ABCA13: variants seen among roughly 807,000 people sequenced by gnomAD.
ABCA13 encodes the protein ATP-binding cassette sub-family A member 13.
In ABCA13, 476 loss-of-function variants were observed where a neutral mutation model predicts 478.7. The observed-to-expected ratio is 0.99, with a 90% CI of 0.92 to 1.07. ABCA13 has a LOEUF of 1.07. Among genes scored for constraint, ABCA13 ranks in the 50% least tolerant of loss-of-function variants. The pLI is 0.00. For synonymous variants in ABCA13, 2,252 were observed against 2,158.9 expected (o/e 1.04, Z -1.20); for missense variants, 6,060 against 5,910.6 (o/e 1.03, Z -0.83).
intron 31 of ABCA13, among the ~76,000 whole-genome samples, chr7:48,357,161 A>T (rs927786277): frequency 6.6e-5 from 10 of 151,724 alleles, no homozygotes; most frequent in African/African-American, 1.7e-4. Context: ...GAAATGTTGA[A>T]TTCCTGCTTA....
At chr7:48,206,534 T>A (rs1404963973) in intron 3 of ABCA13, among the ~76,000 whole-genome samples, 1 of 152,238 alleles carries the variant, frequency 6.6e-6, no homozygotes, top group Non-Finnish European at 1.5e-5. Flanking sequence ...ATGACTATAA[T>A]TCATTCCTTT....
chr7:48,621,064 C>A (rs1201244035), intron 59 of ABCA13, among the ~76,000 whole-genome samples: 1 of 152,150 alleles, frequency 6.6e-6, no homozygotes, highest in Non-Finnish European at 1.5e-5. Flanking sequence ...ATCCCTACCC[C>A]ACCTCAGTGC....
At chr7:48,431,312 A>T (rs192064163) in intron 42 of ABCA13, among the ~76,000 whole-genome samples, 2 of 151,500 alleles carry the variant, frequency 1.3e-5, no homozygotes, top group Admixed American at 1.3e-4. Flanking sequence ...ACTGCACTCC[A>T]GCCTGGGCAA....
intron 59 of ABCA13, among the ~76,000 whole-genome samples, chr7:48,625,550 C>A (rs1009994288): frequency 6.6e-6 from 1 of 152,304 alleles, no homozygotes; most frequent in Middle Eastern, 3.4e-3. Flanking sequence ...ATATCCTCAG[C>A]GTGTTTCACC....
At chr7:48,321,006 A>G (rs1803368380) in intron 27 of ABCA13, among the ~76,000 whole-genome samples, 1 of 152,228 alleles carries the variant, frequency 6.6e-6, no homozygotes, top group Non-Finnish European at 1.5e-5. Context: ...ATTCCCAGAA[A>G]TGCATTCTGC....
chr7:48,602,799 A>C (rs1241479649), intron 58 of ABCA13, among the ~76,000 whole-genome samples: 1 of 152,074 alleles, frequency 6.6e-6, no homozygotes, highest in African/African-American at 2.4e-5. Context: ...ATAGCATTGA[A>C]TCTATAAATT....
At chr7:48,621,251 C>T (rs1310664275) in intron 59 of ABCA13, among the ~76,000 whole-genome samples, 1 of 152,102 alleles carries the variant, frequency 6.6e-6, no homozygotes, top group East Asian at 1.9e-4. Flanking sequence ...TAATCTTTTC[C>T]TCTTCTTTGG....
In ABCA13 at chr7:48,586,495, G is replaced by A. The variant is rs139687835; in HGVS notation, c.14506-659G>A. ...ACACAGGAACACAAAACCAAATACC[G>A]TGTGTTCTCGTTTATAGGGGGGAGC... On this transcript the variant is annotated intron_variant, in intron 56 of 61. Transcript: ENST00000435803. Among the ~76,000 whole-genome samples the A allele has an allele frequency of 1.2e-3, 183 of 152,196 alleles. 1 individual carries two copies. Among genetic ancestry groups the A allele is most frequent in the Non-Finnish European group, 2.2e-3 (151 of 68,014 alleles).
intron 44 of ABCA13, among the ~76,000 whole-genome samples, chr7:48,470,855 C>T (rs868068789): frequency 2.6e-5 from 4 of 152,202 alleles, no homozygotes; most frequent in Admixed American, 6.5e-5. Flanking sequence ...GCTTGTAATT[C>T]GGTAAATGCT....
chr7:48,216,967 T>C (rs185297800), intron 3 of ABCA13, among the ~76,000 whole-genome samples: 25 of 152,368 alleles, frequency 1.6e-4, no homozygotes, highest in African/African-American at 5.5e-4. Flanking sequence ...CTCTCAGTTC[T>C]ATGTATATTT....
In ABCA13 at chr7:48,244,571, C is replaced by A. The variant is rs186683711; in HGVS notation, c.1263-5C>A. The A allele has an allele frequency of 1.2e-6, 2 of 1,610,968 alleles. No homozygotes were observed. Among genetic ancestry groups the A allele is most frequent in the Non-Finnish European group, 1.7e-6 (2 of 1,178,578 alleles). ...TTTATTTCATTTATTTATTTTTGCC[C>A]TCAGATTACAGCATCTGTGGAAATT... On this transcript the variant is annotated splice_region_variant and splice_polypyrimidine_tract_variant and intron_variant, in intron 10 of 61. Coordinates refer to ENST00000435803, the MANE Select transcript of ABCA13 (RefSeq NM_152701.5).
intron 55 of ABCA13, among the ~76,000 whole-genome samples, chr7:48,528,757 C>T (rs1052303006): frequency 2.0e-5 from 3 of 152,276 alleles, no homozygotes; most frequent in Admixed American, 6.5e-5. Flanking sequence ...TTTTACCACC[C>T]AGACTTCCTC....
In ABCA13 at chr7:48,295,722, C is replaced by T. The variant is rs375616028; in HGVS notation, c.8978C>T (p.Ser2993Leu). 72 of 1,613,900 alleles carry T rather than the reference C, an allele frequency of 4.5e-5. No homozygotes were observed. Among genetic ancestry groups the T allele is most frequent in the Non-Finnish European group, 5.3e-5 (63 of 1,179,900 alleles). Reference protein sequence around the residue: ...HFQEIEKIWSSPNQLNCESLS... With the variant: ...HFQEIEKIWSLPNQLNCESLS... ...TAGGAAATTGAAAAGATATGGTCCT[C>T]GCCGAATCAGCTAAATTGTGAAAGT... The change falls in exon 21 of 62, where the codon TCG becomes TTG. Residue 2993 changes from serine (S) to leucine (L), a missense_variant. Transcript: ENST00000435803.
At chr7:48,239,171 G>A in intron 8 of ABCA13, 70 bp from the exon 9 acceptor site, 1 of 1,523,096 alleles carries the variant, frequency 6.6e-7, no homozygotes, top group South Asian at 1.2e-5. Flanking sequence ...AGATCGTGGT[G>A]TTATTTTTAG....
intron 43 of ABCA13, among the ~76,000 whole-genome samples, chr7:48,456,022 C>A (rs1455728432): frequency 6.6e-6 from 1 of 152,212 alleles, no homozygotes; most frequent in Non-Finnish European, 1.5e-5. Flanking sequence ...TTGCCGGGCA[C>A]GGCCATGGCT....
In ABCA13 at chr7:48,352,221, A is replaced by G. The variant is rs1310673182; in HGVS notation, c.10422A>G (p.Arg3474=). ...ATTCCTTATTCGACAAGAACTTCAG[A>G]TCAGAGTCTGTCAAACTGCCACCCC... The part of the protein sequence containing the change: ...FSNSLFDKNF[R]SESVKLPPHV... Residue 3474 remains arginine (R), a synonymous_variant, in exon 31 of 62, where the codon AGA becomes AGG. Coordinates refer to ENST00000435803, the MANE Select transcript of ABCA13 (RefSeq NM_152701.5). The G allele has an allele frequency of 5.0e-6, 8 of 1,610,318 alleles. No individual in the cohort carries two copies. The South Asian group carries it at 8.8e-5, about 18-fold the overall frequency.
Position 48,392,033 on chromosome 7 carries a change from C to T in ABCA13, c.11767C>T (p.Gln3923Ter). 39 of 1,614,006 alleles carry T rather than the reference C, an allele frequency of 2.4e-5. No individual in the cohort carries two copies. Among genetic ancestry groups the T allele is most frequent in the Non-Finnish European group, 3.3e-5 (39 of 1,179,880 alleles). The change falls in exon 38 of 62, where the codon CAG becomes TAG. Residue 3923 changes from glutamine (Q) to a stop codon, truncating the protein, a stop_gained. Coordinates refer to ENST00000435803, the MANE Select transcript of ABCA13 (RefSeq NM_152701.5). LOFTEE classifies it high-confidence loss of function. ...AATGGAGCTTGGTGTGTGTCCGCAG[C>T]AGGACATCCTGTTGGACAACCTCAC... The part of the protein sequence containing the change: ...VRMELGVCPQ[Q>*]DILLDNLTVR...
At chr7:48,527,615 G>A (rs1222129287) in intron 54 of ABCA13, among the ~76,000 whole-genome samples, 1 of 152,166 alleles carries the variant, frequency 6.6e-6, no homozygotes, top group Non-Finnish European at 1.5e-5. Context: ...CAAGAACTGA[G>A]TTGACTCTAT....
At position 48,273,034 on chromosome 7, in the gene ABCA13, C is replaced by T. The variant is rs752126748; in HGVS notation, c.3368C>T (p.Pro1123Leu). The change falls in exon 17 of 62, where the codon CCA (proline) becomes CTA (leucine). Residue 1123 changes from proline (P) to leucine (L), a missense_variant. Pro to Leu is a moderately conservative substitution (Grantham distance 98). Around this residue, in one of 3 missense-constraint regions of ABCA13, gnomAD observed 4,423 missense variants for 4,309.1 expected, o/e 1.03. Transcript: ENST00000435803. ...AGTGAGGAGTCTTCATTTGTTTTTC[C>T]ATTGGCACAAATTTTTTCAAACCTC... ...STSEESSFVF[P>L]LAQIFSNLSA... is the part of the protein sequence containing the mutation. 1.2e-6 allele frequency: 2 copies of T among 1,613,444 alleles called. No individual in the cohort carries two copies. Among genetic ancestry groups the T allele is most frequent in the Non-Finnish European group, 8.5e-7 (1 of 1,179,720 alleles).
Sources: allele counts gnomAD v4.1 joint callset (sites outside exome capture counted in the v4.1 genomes callset), GRCh38; gene constraint gnomAD v4.1.1; regional missense constraint gnomAD v4.1.1; transcripts MANE v1.5; gene names NCBI Gene and HGNC (gene_info 2026-07-23, HGNC 2026-07-21).